SLC35F3: variants seen among roughly 807,000 people sequenced by gnomAD.
The protein encoded by SLC35F3 is putative thiamine transporter SLC35F3.
SLC35F3 carries 25 observed loss-of-function variants against 49.9 expected under a neutral mutation model. The ratio of observed to expected loss-of-function variants is 0.50; its 90% CI spans 0.37 to 0.70. The LOEUF (loss-of-function observed/expected upper bound fraction) is 0.70, where lower values mean the gene tolerates loss of function less well. SLC35F3 is among the 30% of genes least tolerant of loss of function. The pLI is 0.00. For synonymous variants in SLC35F3, 275 were observed against 265.4 expected, an observed-to-expected ratio of 1.04 and a Z score of -0.35; for missense variants, 525 against 639.8, an observed-to-expected ratio of 0.82 and a Z score of 1.94.
chr1:234,124,321 C>T (rs537637413), intron 2 of SLC35F3, among the ~76,000 whole-genome samples: 135 of 152,290 alleles, frequency 8.9e-4, no homozygotes, highest in Non-Finnish European at 1.4e-3. Flanking sequence ...TCATCAAATG[C>T]CTTCTAATCG....
intron 3 of SLC35F3, among the ~76,000 whole-genome samples, chr1:234,267,676 G>A (rs1299989788): frequency 2.5e-3 from 380 of 150,110 alleles, no homozygotes; most frequent in African/African-American, 8.8e-3. Context: ...GCTGCCGGGC[G>A]GAGACGCTCC....
At chr1:233,945,105 A>C (rs1046532465) in intron 2 of SLC35F3, among the ~76,000 whole-genome samples, 2 of 151,952 alleles carry the variant, frequency 1.3e-5, no homozygotes, top group Non-Finnish European at 2.9e-5. Flanking sequence ...AAATCCATAC[A>C]AGGAGAAGAG....
At position 234,182,746 on chromosome 1, in the gene SLC35F3, T is replaced by C. The variant is rs558202611; in HGVS notation, c.284-48671T>C. ...CTAATTACATGATATTGTCAAACTT[T>C]GGGATTTTTTCCAATTTGATAAATG... On this transcript the variant is annotated intron_variant, in intron 2 of 7. Coordinates refer to ENST00000366618, the MANE Select transcript of SLC35F3 (RefSeq NM_173508.4). Among the ~76,000 whole-genome samples the C allele has an allele frequency of 8.0e-5, 12 of 150,554 alleles. 1 individual carries two copies. In the South Asian group the frequency reaches 2.5e-3, roughly 31 times the overall value.
intron 2 of SLC35F3, among the ~76,000 whole-genome samples, chr1:233,962,549 A>G (rs1289692243): frequency 6.6e-6 from 1 of 152,252 alleles, no homozygotes; most frequent in Non-Finnish European, 1.5e-5. Flanking sequence ...CAGAGTTCAT[A>G]ATAAAATGAA....
chr1:234,305,502 T>TCTCC (rs1477947259), intron 3 of SLC35F3, among the ~76,000 whole-genome samples: 1 of 151,478 alleles, frequency 6.6e-6, no homozygotes, highest in East Asian at 1.9e-4. Context: ...CCTCCCTCAG[T>TCTCC]CTCCCAAGTA....
chr1:234,306,303 G>A (rs1053418897), intron 3 of SLC35F3, among the ~76,000 whole-genome samples: 3 of 152,090 alleles, frequency 2.0e-5, no homozygotes, highest in Admixed American at 6.6e-5. Context: ...TGGGATTACC[G>A]GTGCTCACCA....
At position 234,214,394 on chromosome 1, in the gene SLC35F3, G is replaced by A; in HGVS notation, c.284-17023G>A. ...GAGGGGCGAGCCGCTGGTGCTCCCC[G>A]GCGGCAGAGGGCCGCGTCGGCCACG... On this transcript the variant is annotated intron_variant, in intron 2 of 7. Transcript: ENST00000366618. The surrounding 1 kb of genome is among the most constrained non-coding windows in gnomAD (Gnocchi z 8.0). The A allele has an allele frequency of 7.3e-7, 1 of 1,368,168 alleles. No individual in the cohort carries two copies. Among genetic ancestry groups the A allele is most frequent in the Non-Finnish European group, 9.4e-7 (1 of 1,059,194 alleles). The allele number at this position is 1,368,168 out of a possible 1,614,324, so 84.8% of individuals were successfully genotyped here. A position where few individuals can be genotyped will look rare whatever the true frequency, so the allele number is the denominator to read the frequency against.
chr1:234,143,624 G>A (rs1665953700), intron 2 of SLC35F3, among the ~76,000 whole-genome samples: 3 of 152,030 alleles, frequency 2.0e-5, no homozygotes. Context: ...ATGTATAAGT[G>A]ACAACATCTG....
chr1:233,948,493 A>G (rs2102803471), intron 2 of SLC35F3, among the ~76,000 whole-genome samples: 1 of 152,238 alleles, frequency 6.6e-6, no homozygotes, highest in South Asian at 2.1e-4. Flanking sequence ...GATAATTAGG[A>G]AAAATTATTA....
intron 2 of SLC35F3, among the ~76,000 whole-genome samples, chr1:234,032,654 A>G (rs1278826687): frequency 6.6e-6 from 1 of 152,222 alleles, no homozygotes; most frequent in Non-Finnish European, 1.5e-5. Context: ...AATGGTCTCC[A>G]ATTCCATCCA....
intron 3 of SLC35F3, among the ~76,000 whole-genome samples, chr1:234,283,448 G>A (rs116309981): frequency 0.022 from 3,362 of 152,310 alleles, 99 homozygotes; most frequent in African/African-American, 0.066. Flanking sequence ...GCAGCCCTGG[G>A]TTTAAGTCCA....
intron 2 of SLC35F3, among the ~76,000 whole-genome samples, chr1:234,119,726 A>C (rs1024930247): frequency 6.6e-6 from 1 of 152,186 alleles, no homozygotes; most frequent in Non-Finnish European, 1.5e-5. Context: ...GCCAGCTAGT[A>C]TTAGGGGTGG....
At chr1:233,990,546 A>G (rs1019213305) in intron 2 of SLC35F3, among the ~76,000 whole-genome samples, 1 of 152,228 alleles carries the variant, frequency 6.6e-6, no homozygotes, top group Non-Finnish European at 1.5e-5. Flanking sequence ...AATGTACAGC[A>G]TGGTGACTGT....
At chr1:233,955,142 C>T (rs964848262) in intron 2 of SLC35F3, among the ~76,000 whole-genome samples, 2 of 152,282 alleles carry the variant, frequency 1.3e-5, no homozygotes, top group South Asian at 2.1e-4. Flanking sequence ...CCGCACCAGG[C>T]CAGTCTTCTT....
intron 3 of SLC35F3, among the ~76,000 whole-genome samples, chr1:234,284,271 G>A (rs1668376170): frequency 6.6e-6 from 1 of 152,132 alleles, no homozygotes; most frequent in Non-Finnish European, 1.5e-5. Context: ...GAGGCTCAGA[G>A]AAGAAAATTA....
chr1:233,945,928 C>G (rs1434066392), intron 2 of SLC35F3, among the ~76,000 whole-genome samples: 1 of 152,172 alleles, frequency 6.6e-6, no homozygotes, highest in Non-Finnish European at 1.5e-5. Flanking sequence ...CAGATACATT[C>G]AATGTTTTAA....
chr1:234,061,524 A>G (rs1006058169), intron 2 of SLC35F3, among the ~76,000 whole-genome samples: 2 of 151,158 alleles, frequency 1.3e-5, no homozygotes, highest in Admixed American at 6.6e-5. Context: ...TTTTTAAGCC[A>G]TTATTTCTCC....
At chr1:233,973,397 C>T (rs560238483) in intron 2 of SLC35F3, among the ~76,000 whole-genome samples, 33 of 152,150 alleles carry the variant, frequency 2.2e-4, no homozygotes, top group Admixed American at 1.8e-3. Flanking sequence ...CCAGTAATCC[C>T]GCAATCTTGA....
At chr1:234,057,954 G>GC (rs1341398095) in intron 2 of SLC35F3, among the ~76,000 whole-genome samples, 2 of 152,028 alleles carry the variant, frequency 1.3e-5, no homozygotes, top group Non-Finnish European at 2.9e-5. Flanking sequence ...TGATCCACCC[G>GC]CCTCAGCTAC....
Sources: gnomAD v4.1 joint callset for allele counts (sites outside exome capture counted in the v4.1 genomes callset) on GRCh38, gnomAD v4.1.1 for gene constraint, Gnocchi (gnomAD v3.1) non-coding constraint, MANE v1.5 for transcripts, NCBI Gene and HGNC (gene_info 2026-07-23, HGNC 2026-07-21) for gene names.